NUGGC: variants seen among roughly 807,000 people sequenced by gnomAD.
NUGGC encodes the protein nuclear GTPase, germinal center associated.
In NUGGC, 58 loss-of-function variants were observed where a neutral mutation model predicts 92.6. The ratio of observed to expected loss-of-function variants is 0.63; its 90% CI spans 0.51 to 0.78. The LOEUF (loss-of-function observed/expected upper bound fraction) is 0.78. Ranked by LOEUF, NUGGC falls within the 30% of genes least tolerant of loss-of-function variation. NUGGC has a pLI of 0.00. For synonymous variants in NUGGC, 376 were observed against 366.4 expected, an observed-to-expected ratio of 1.03 and a Z score of -0.30; for missense variants, 925 against 964.6, an observed-to-expected ratio of 0.96 and a Z score of 0.54.
At position 28,070,281 on chromosome 8, in the gene NUGGC, G is replaced by C; in HGVS notation, c.119C>G (p.Pro40Arg). The change falls in exon 3 of 19, where the codon CCC becomes CGC. Residue 40 changes from proline (P) to arginine (R), a missense_variant. Pro to Arg is a moderately radical substitution (Grantham distance 103). Transcript: ENST00000413272. ...SDRDQRFRAF[P>R]SMEQSALKEY... The stretch of plus-strand genomic sequence containing the variant: ...CTTAAGAGCACTCTGCTCCATGGAG[G>C]GAAATGCTCGGAACCGCTGGTCTCG... The C allele has an allele frequency of 6.4e-7, 1 of 1,554,006 alleles. No individual in the cohort carries two copies. The highest frequency in any genetic ancestry group is 8.7e-7 in the Non-Finnish European group (1 of 1,147,162).
Position 28,060,753 on chromosome 8 carries a change from A to G in NUGGC, c.922-152T>C, listed in dbSNP as rs117255297. On this transcript the variant is annotated intron_variant, in intron 7 of 18. Transcript: ENST00000413272. ...TGTGCACTAGCTGGACTGAGCTATG[A>G]GTCATTTCTCATATGTGCCTTGTTC... is the stretch of plus-strand genomic sequence containing the variant. Among the ~76,000 whole-genome samples the G allele has an allele frequency of 3.9e-3, 588 of 152,130 alleles. 16 individuals are homozygous for G. The highest frequency in any genetic ancestry group is 0.028 in the Admixed American group (434 of 15,282).
At chr8:28,031,512 C>T (rs1809417829) in intron 14 of NUGGC, 131 bp from the exon 15 acceptor site, 1 of 870,754 alleles carries the variant, frequency 1.1e-6, no homozygotes, top group South Asian at 1.7e-5. Flanking sequence ...TATCAAATCC[C>T]TATAATGTGC....
Position 28,068,449 on chromosome 8 carries a change from T to A in NUGGC, c.258-11A>T. The A allele has an allele frequency of 3.3e-6, 5 of 1,520,778 alleles. No homozygotes were observed. The highest frequency in any genetic ancestry group is 4.5e-6 in the Non-Finnish European group (5 of 1,117,044). The allele number at this position is 1,520,778 out of a possible 1,614,324, so 94.2% of individuals were successfully genotyped here. ...GCAAGAAGCCTATTTCTGGATGAATTTTAAAATGCACATTGCCATGATCAT... is the reference window on the plus strand; with the variant it reads ...GCAAGAAGCCTATTTCTGGATGAATATTAAAATGCACATTGCCATGATCAT... On this transcript the variant is annotated splice_polypyrimidine_tract_variant and intron_variant, in intron 4 of 18. Transcript: ENST00000413272.
chr8:28,045,777 A>C (rs1425462578), intron 11 of NUGGC, 117 bp from the exon 12 acceptor site: 2 of 1,131,262 alleles, frequency 1.8e-6, no homozygotes, highest in Non-Finnish European at 2.5e-6. Context: ...TGAGATCCCA[A>C]GTGGGCTGGA....
At chr8:28,080,575 TTG>T in intron 1 of NUGGC, among the ~76,000 whole-genome samples, 1 of 152,332 alleles carries the variant, frequency 6.6e-6, no homozygotes, top group East Asian at 1.9e-4. Flanking sequence ...TGGGAAGTAC[TTG>T]GTACACAGCA....
At chr8:28,073,781 G>C (rs1185981800) in intron 2 of NUGGC, among the ~76,000 whole-genome samples, 1 of 152,074 alleles carries the variant, frequency 6.6e-6, no homozygotes, top group Admixed American at 6.5e-5. Context: ...CTTGGACAGA[G>C]AGTCCAAGCT....
chr8:28,024,567 C>T (rs769942950), intron 18 of NUGGC, among the ~76,000 whole-genome samples: 1 of 152,222 alleles, frequency 6.6e-6, no homozygotes, highest in Non-Finnish European at 1.5e-5. Flanking sequence ...ATCTGGAGGA[C>T]GCTGACTAAT....
Position 28,023,480 on chromosome 8 carries a change from G to T in NUGGC, c.2246-18C>A, listed in dbSNP as rs200969254. On this transcript the variant is annotated intron_variant, in intron 18 of 18. Transcript: ENST00000413272. The stretch of plus-strand genomic sequence containing the variant: ...CCCGACATCTACAGGAGAGCAGAAA[G>T]CTCACATCAGGACTTGGTGTCCGTT... The T allele has an allele frequency of 1.9e-6, 3 of 1,608,714 alleles. No individual in the cohort carries two copies. The East Asian group carries it at 6.7e-5, about 36-fold the overall frequency.
intron 7 of NUGGC, among the ~76,000 whole-genome samples, chr8:28,062,526 A>C (rs376095302): frequency 6.6e-6 from 1 of 152,162 alleles, no homozygotes; most frequent in East Asian, 1.9e-4. Flanking sequence ...CTGGGACAGC[A>C]GGATTGCTCA....
chr8:28,072,035 T>A (rs1810603196), intron 2 of NUGGC, among the ~76,000 whole-genome samples: 1 of 152,138 alleles, frequency 6.6e-6, no homozygotes, highest in African/African-American at 2.4e-5. Context: ...CAGCCCTCCC[T>A]CTCTGTTCAA....
chr8:28,041,044 C>A lies in NUGGC; in HGVS notation c.1611+7G>T, dbSNP rs774849848. The A allele has an allele frequency of 2.6e-5, 42 of 1,594,860 alleles. No homozygotes were observed. The highest frequency in any genetic ancestry group is 3.4e-5 in the Non-Finnish European group (40 of 1,170,130). On this transcript the variant is annotated splice_region_variant and intron_variant, in intron 13 of 18. Transcript: ENST00000413272. ...ATATCTGAGTTTTCCCTGGAAGGGT[C>A]ACTCACCACCAAGCATGCTCTGAGG...
intron 2 of NUGGC, among the ~76,000 whole-genome samples, chr8:28,070,982 C>T (rs986213857): frequency 1.3e-5 from 2 of 151,526 alleles, no homozygotes; most frequent in African/African-American, 4.8e-5. Context: ...ATACAAGACC[C>T]TGTCTCAAAA....
chr8:28,032,773 G>A (rs1009793048), intron 14 of NUGGC, among the ~76,000 whole-genome samples: 4 of 149,000 alleles, frequency 2.7e-5, no homozygotes, highest in Non-Finnish European at 4.5e-5. Context: ...GGGAAGGAGG[G>A]AGCACCAAGG....
chr8:28,062,590 C>T lies in NUGGC; in HGVS notation c.921+1932G>A, dbSNP rs186506275. On this transcript the variant is annotated intron_variant, in intron 7 of 18. Transcript: ENST00000413272. ...CATGATTATGCCACTGTACTCCAGT[C>T]CAGGCAACAGAGCAAGATGCTGTAG... Among the ~76,000 whole-genome samples the T allele has an allele frequency of 2.3e-4, 35 of 152,306 alleles. No homozygotes were observed. The East Asian group carries it at 6.4e-3, about 28-fold the overall frequency.
At position 28,055,960 on chromosome 8, in the gene NUGGC, C is replaced by T. The variant is rs772556325; in HGVS notation, c.1206+5G>A. The T allele has an allele frequency of 2.8e-6, 4 of 1,445,544 alleles. No homozygotes were observed. Among genetic ancestry groups the T allele is most frequent in the Non-Finnish European group, 3.8e-6 (4 of 1,049,580 alleles). The allele number at this position is 1,445,544 out of a possible 1,614,324, so 89.5% of individuals were successfully genotyped here. A position where few individuals can be genotyped will look rare whatever the true frequency, so the allele number is the denominator to read the frequency against. ...AAAAACACATAGAGAAACCTATTAA[C>T]TCACCTTCAGTTTTTCCTTGAGAAT... On this transcript the variant is annotated splice_donor_5th_base_variant and intron_variant, in intron 10 of 18. Transcript: ENST00000413272.
At chr8:28,040,469 G>A (rs1239321395) in intron 13 of NUGGC, among the ~76,000 whole-genome samples, 3 of 152,106 alleles carry the variant, frequency 2.0e-5, no homozygotes. Context: ...GGGCTACAAG[G>A]TGGATGTTTG....
intron 7 of NUGGC, 43 bp from the exon 8 acceptor site, chr8:28,060,644 T>C: frequency 6.4e-7 from 1 of 1,564,030 alleles, no homozygotes; most frequent in Non-Finnish European, 8.7e-7. Flanking sequence ...AGGAATGGAG[T>C]CACAGTTCCT....
intron 10 of NUGGC, among the ~76,000 whole-genome samples, chr8:28,048,509 G>C (rs952989719): frequency 9.2e-5 from 14 of 152,124 alleles, no homozygotes; most frequent in African/African-American, 2.7e-4. Flanking sequence ...TAAGGTCCTA[G>C]AAAAGTGACA....
intron 1 of NUGGC, among the ~76,000 whole-genome samples, chr8:28,074,687 C>T (rs1810676407): frequency 6.6e-6 from 1 of 152,202 alleles, no homozygotes; most frequent in Non-Finnish European, 1.5e-5. Context: ...GCCTGTAATC[C>T]CAGCTCTTTG....
Sources: gnomAD v4.1 joint callset for allele counts (sites outside exome capture counted in the v4.1 genomes callset) on GRCh38, gnomAD v4.1.1 for gene constraint, MANE v1.5 for transcripts, NCBI Gene and HGNC (gene_info 2026-07-23, HGNC 2026-07-21) for gene names.